TUNAR: variants seen among roughly 807,000 people sequenced by gnomAD.
TUNAR encodes protein TUNAR.
chr14:95,906,291 C>T (rs1682200487), intron 2 of TUNAR, among the ~76,000 whole-genome samples: 3 of 152,164 alleles, frequency 2.0e-5, no homozygotes, highest in Admixed American at 1.3e-4. Context: ...CTAATCCATG[C>T]GTGCACACTC....
intron 2 of TUNAR, among the ~76,000 whole-genome samples, chr14:95,897,002 C>A (rs1889280125): frequency 1.3e-5 from 2 of 152,244 alleles, no homozygotes; most frequent in African/African-American, 4.8e-5. Context: ...TCAAATAGCT[C>A]TGGCATATGT....
intron 2 of TUNAR, among the ~76,000 whole-genome samples, chr14:95,888,527 T>C (rs1889114395): frequency 6.6e-6 from 1 of 152,156 alleles, no homozygotes; most frequent in Non-Finnish European, 1.5e-5. Context: ...CTCGCATGTC[T>C]GGCCCCTGAG....
chr14:95,896,895 C>T (rs1566787791), intron 2 of TUNAR, among the ~76,000 whole-genome samples: 1 of 152,238 alleles, frequency 6.6e-6, no homozygotes, highest in Non-Finnish European at 1.5e-5. Context: ...TGACACTCTC[C>T]AGCTCCCAGA....
intron 2 of TUNAR, among the ~76,000 whole-genome samples, chr14:95,882,761 A>G (rs912185973): frequency 1.3e-5 from 2 of 152,176 alleles, no homozygotes; most frequent in African/African-American, 4.8e-5. Flanking sequence ...CATTTTTCCC[A>G]ACCTGCCACA....
chr14:95,913,617 A>G (rs189001968), intron 2 of TUNAR, among the ~76,000 whole-genome samples: 136 of 152,308 alleles, frequency 8.9e-4, no homozygotes, highest in Middle Eastern at 6.8e-3. Flanking sequence ...CATAAAGAGG[A>G]AACCTCACCA....
At chr14:95,897,564 A>G (rs902167783) in intron 2 of TUNAR, among the ~76,000 whole-genome samples, 2 of 152,220 alleles carry the variant, frequency 1.3e-5, no homozygotes, top group African/African-American at 4.8e-5. Flanking sequence ...TGCATTGTCC[A>G]TAGTTTGACT....
chr14:95,890,802 A>G (rs768364786), intron 2 of TUNAR, among the ~76,000 whole-genome samples: 28 of 152,240 alleles, frequency 1.8e-4, no homozygotes, highest in Non-Finnish European at 3.4e-4. Context: ...AGTATTTTAA[A>G]TTTGTTCATT....
intron 2 of TUNAR, among the ~76,000 whole-genome samples, chr14:95,877,689 AC>A (rs1364013918): frequency 1.3e-5 from 2 of 152,164 alleles, no homozygotes; most frequent in Non-Finnish European, 2.9e-5. Context: ...TCCCTTTGTA[AC>A]AAACACACCT....
At chr14:95,903,556 A>G (rs1889387238) in intron 2 of TUNAR, among the ~76,000 whole-genome samples, 1 of 152,242 alleles carries the variant, frequency 6.6e-6, no homozygotes, top group South Asian at 2.1e-4. Context: ...CACTTTACAG[A>G]TGAAAAAAAT....
chr14:95,884,595 T>A (rs1889041177), intron 2 of TUNAR, among the ~76,000 whole-genome samples: 1 of 152,210 alleles, frequency 6.6e-6, no homozygotes, highest in South Asian at 2.1e-4. Context: ...TGTTACAGGG[T>A]GACTCATCAT....
At chr14:95,903,881 G>A (rs1351004735) in intron 2 of TUNAR, among the ~76,000 whole-genome samples, 1 of 152,220 alleles carries the variant, frequency 6.6e-6, no homozygotes, top group Non-Finnish European at 1.5e-5. Flanking sequence ...GCTCGCTGGG[G>A]CTTCCTCACA....
At chr14:95,894,321 A>G (rs1189945325) in intron 2 of TUNAR, among the ~76,000 whole-genome samples, 3 of 152,208 alleles carry the variant, frequency 2.0e-5, no homozygotes, top group African/African-American at 7.2e-5. Flanking sequence ...AACACACGCT[A>G]TGTGCTGCAT....
At chr14:95,925,247 T>G (rs181843726) in exon 3 of TUNAR, 17 of 152,126 alleles carry the variant, frequency 1.1e-4, no homozygotes, top group African/African-American at 3.4e-4. Context: ...TCTAGTGGAG[T>G]CAAGATCCAA....
intron 2 of TUNAR, among the ~76,000 whole-genome samples, chr14:95,908,549 A>G (rs936682347): frequency 5.9e-5 from 9 of 152,218 alleles, no homozygotes; most frequent in Non-Finnish European, 1.0e-4. Flanking sequence ...TAACAACATC[A>G]TGAAGGATCT....
chr14:95,883,402 C>T (rs971903054), intron 2 of TUNAR, among the ~76,000 whole-genome samples: 3 of 152,186 alleles, frequency 2.0e-5, no homozygotes, highest in Admixed American at 6.5e-5. Context: ...TCCACCCCCC[C>T]AACACACACC....
chr14:95,906,159 C>A (rs1889423872), intron 2 of TUNAR, among the ~76,000 whole-genome samples: 1 of 152,164 alleles, frequency 6.6e-6, no homozygotes, highest in African/African-American at 2.4e-5. Flanking sequence ...AGCCCTGGTT[C>A]ATTTTATTGG....
chr14:95,877,156 C>A (rs1324442350), exon 2 of TUNAR: 1 of 152,288 alleles, frequency 6.6e-6, no homozygotes, highest in African/African-American at 2.4e-5. Context: ...CGCCCCTCAA[C>A]CGCCTCCGGA....
chr14:95,911,098 T>C (rs1566791002), intron 2 of TUNAR, among the ~76,000 whole-genome samples: 1 of 152,216 alleles, frequency 6.6e-6, no homozygotes, highest in Non-Finnish European at 1.5e-5. Context: ...AATGAATAAA[T>C]TCCACAGGTG....
chr14:95,879,186 G>A (rs1888937907), intron 2 of TUNAR, among the ~76,000 whole-genome samples: 3 of 152,240 alleles, frequency 2.0e-5, no homozygotes, highest in South Asian at 4.2e-4. Flanking sequence ...GGTTGTCATT[G>A]GTCTTTTTAA....
Sources: gnomAD v4.1 joint callset for allele counts (sites outside exome capture counted in the v4.1 genomes callset) on GRCh38, gnomAD v4.1.1 for gene constraint, MANE v1.5 for transcripts, NCBI Gene and HGNC (gene_info 2026-07-23, HGNC 2026-07-21) for gene names.